Variants in OPA1 observed in about 807,000 individuals in gnomAD.
The protein encoded by OPA1 is dynamin-like GTPase OPA1, mitochondrial.
Under a neutral mutation model 152.9 loss-of-function variants are expected in OPA1, and 59 were observed. That is an observed-to-expected ratio of 0.39 (90% confidence interval 0.31 to 0.48). The LOEUF is 0.48. Among genes scored for constraint, OPA1 ranks in the 20% least tolerant of loss-of-function variants. The pLI, the probability that OPA1 is intolerant of heterozygous loss-of-function variation, is 0.96. For missense variants in OPA1, 1,008 were observed against 1,216.8 expected, an observed-to-expected ratio of 0.83 and a Z score of 2.55; for synonymous variants, 400 against 389.9, an observed-to-expected ratio of 1.03 and a Z score of -0.31.
At chr3:193,643,104 T>A in intron 13 of OPA1, 55 bp downstream of exon 13, 1 of 1,406,812 alleles carries the variant, frequency 7.1e-7, no homozygotes, top group Non-Finnish European at 1.0e-6. Context: ...TGTTTATGAT[T>A]TCAAATAAAT....
chr3:193,613,114 A>C (rs1728506719), intron 1 of OPA1, among the ~76,000 whole-genome samples: 1 of 152,240 alleles, frequency 6.6e-6, no homozygotes, highest in South Asian at 2.1e-4. Flanking sequence ...TAAGCAAGGA[A>C]AATAAACACT....
chr3:193,673,618 G>A (rs1718390996), intron 29 of OPA1, among the ~76,000 whole-genome samples: 1 of 152,150 alleles, frequency 6.6e-6, no homozygotes, highest in Admixed American at 6.5e-5. Flanking sequence ...AAAATCTGTG[G>A]AATCTTTAAT....
At chr3:193,624,640 T>C (rs139758539) in intron 6 of OPA1, among the ~76,000 whole-genome samples, 1 of 152,254 alleles carries the variant, frequency 6.6e-6, no homozygotes, top group African/African-American at 2.4e-5. Flanking sequence ...TAAAGACATG[T>C]CTTTTTATAA....
intron 11 of OPA1, among the ~76,000 whole-genome samples, chr3:193,639,883 G>C (rs1237024009): frequency 3.9e-5 from 6 of 152,186 alleles, no homozygotes. Context: ...GAATTAACAG[G>C]ATTTCTTGAC....
At chr3:193,593,785 A>G (rs889808706) in intron 1 of OPA1, among the ~76,000 whole-genome samples, 2 of 146,430 alleles carry the variant, frequency 1.4e-5, no homozygotes, top group South Asian at 4.4e-4. Context: ...TCTGTCCATG[A>G]GTCACCTCTC....
chr3:193,689,196 T>C (rs1721351226), intron 29 of OPA1: 1 of 152,224 alleles, frequency 6.6e-6, no homozygotes, highest in South Asian at 2.1e-4. Flanking sequence ...TGTCCTCATA[T>C]CACTTTATGA....
Position 193,659,553 on chromosome 3 carries a change from C to T in OPA1, c.2512C>T (p.Gln838Ter). Residue 838 changes from glutamine (Q) to a stop codon, truncating the protein, a stop_gained, in exon 25 of 31, where the codon CAA becomes TAA. Transcript: ENST00000361510. LOFTEE classifies it high-confidence loss of function. ...GTGGTTATACTGGAAGAATCGGACC[C>T]AAGAACAGGTAGAAATAAACAAGTC... ...KRWLYWKNRTQEQCVHNETKN... is the reference protein window; with the variant it reads ...KRWLYWKNRT 6.2e-7 allele frequency: 1 copy of T among 1,610,132 alleles called. No individual in the cohort carries two copies. The highest frequency in any genetic ancestry group is 8.5e-7 in the Non-Finnish European group (1 of 1,177,540).
At chr3:193,663,862 T>C (rs1715893062) in intron 26 of OPA1, among the ~76,000 whole-genome samples, 1 of 152,102 alleles carries the variant, frequency 6.6e-6, no homozygotes, top group Non-Finnish European at 1.5e-5. Flanking sequence ...AGATGAAAGC[T>C]AATGATTACA....
chr3:193,635,441 A>G lies in OPA1; in HGVS notation c.867A>G (p.Glu289=). ...AGTTGAAGTATCAGAGAATCTTGGA[A>G]CGATTAGAAAAGGAGAACAAAGAAT... ...HTQLKYQRIL[E]RLEKENKELR... Residue 289 remains glutamate, a synonymous_variant, in exon 9 of 31, where the codon GAA becomes GAG. Transcript: ENST00000361510. 6.2e-7 allele frequency: 1 copy of G among 1,604,228 alleles called. No homozygotes were observed. The highest frequency in any genetic ancestry group is 8.5e-7 in the Non-Finnish European group (1 of 1,171,316).
At chr3:193,615,542 AT>A (rs1402689867) in intron 2 of OPA1, 131 bp from the exon 3 acceptor site, 5 of 694,858 alleles carry the variant, frequency 7.2e-6, no homozygotes, top group African/African-American at 1.8e-5. Flanking sequence ...AGACCACTTA[AT>A]TTTGTTTCTT....
chr3:193,624,635 A>T (rs1027272935), intron 6 of OPA1, among the ~76,000 whole-genome samples: 1 of 152,146 alleles, frequency 6.6e-6, no homozygotes, highest in African/African-American at 2.4e-5. Context: ...TTATTTAAAG[A>T]CATGTCTTTT....
intron 6 of OPA1, among the ~76,000 whole-genome samples, chr3:193,625,159 TA>T (rs1402997722): frequency 6.6e-6 from 1 of 152,144 alleles, no homozygotes; most frequent in African/African-American, 2.4e-5. Flanking sequence ...TTAATAAAGC[TA>T]TGCAGGAAAT....
chr3:193,614,808 A>G lies in OPA1; in HGVS notation c.118A>G (p.Ile40Val), dbSNP rs1728765767. The G allele has an allele frequency of 6.2e-7, 1 of 1,606,604 alleles. No individual in the cohort carries two copies. The highest frequency in any genetic ancestry group is 8.5e-7 in the Non-Finnish European group (1 of 1,173,398). ...LQKLHLVSRSIYHSHHPTLKL... is the reference protein window; with the variant it reads ...LQKLHLVSRSVYHSHHPTLKL... ...AAAACTACATCTGGTTTCACGAAGCATTTATCATTCACATCATCCTACCTT... is the reference window on the plus strand; with the variant it reads ...AAAACTACATCTGGTTTCACGAAGCGTTTATCATTCACATCATCCTACCTT... Residue 40 changes from isoleucine (I) to valine (V), a missense_variant, in exon 2 of 31, where the codon ATT becomes GTT. Ile to Val is a conservative substitution (Grantham distance 29, BLOSUM62 3). Coordinates refer to ENST00000361510, the MANE Select transcript of OPA1 (RefSeq NM_130837.3).
In OPA1 at chr3:193,664,906, T is replaced by C; in HGVS notation, c.2688T>C (p.Tyr896=). The change falls in exon 27 of 31, where the codon TAT becomes TAC. Residue 896 remains tyrosine, a synonymous_variant. Transcript: ENST00000361510. The part of the protein sequence containing the change: ...SLIKDTWHQV[Y]RRHFLKTALN... The stretch of plus-strand genomic sequence containing the variant: ...TTAAGGATACTTGGCATCAAGTTTA[T>C]AGAAGACATTTTTTAAAAACAGCTC... 2.5e-6 allele frequency: 4 copies of C among 1,599,242 alleles called. No individual in the cohort carries two copies. Among genetic ancestry groups the C allele is most frequent in the Non-Finnish European group, 3.4e-6 (4 of 1,167,018 alleles).
chr3:193,672,051 A>G (rs1372231501), intron 29 of OPA1, among the ~76,000 whole-genome samples: 1 of 152,212 alleles, frequency 6.6e-6, no homozygotes. Flanking sequence ...TTTTAAATAG[A>G]TATTTTAAGT....
At chr3:193,596,336 C>CTTAA (rs1318478792) in intron 1 of OPA1, among the ~76,000 whole-genome samples, 14 of 137,922 alleles carry the variant, frequency 1.0e-4, no homozygotes, top group African/African-American at 3.6e-4. Flanking sequence ...CTTTCCTTTC[C>CTTAA]TTTTCTTTTC....
chr3:193,673,614 T>G (rs566692592), intron 29 of OPA1, among the ~76,000 whole-genome samples: 1 of 152,358 alleles, frequency 6.6e-6, no homozygotes, highest in South Asian at 2.1e-4. Context: ...TAATAAAATC[T>G]GTGGAATCTT....
intron 1 of OPA1, among the ~76,000 whole-genome samples, chr3:193,598,967 A>G (rs1456808606): frequency 2.0e-5 from 3 of 152,174 alleles, no homozygotes; most frequent in Admixed American, 2.0e-4. Context: ...TCTGTAAGTG[A>G]TAACATGGGT....
intron 29 of OPA1, among the ~76,000 whole-genome samples, chr3:193,685,745 T>C (rs1476391943): frequency 6.6e-6 from 1 of 152,094 alleles, no homozygotes; most frequent in Admixed American, 6.5e-5. Context: ...TAATATCCAA[T>C]AAATAAAAAG....
Sources: gnomAD v4.1 joint callset for allele counts (sites outside exome capture counted in the v4.1 genomes callset) on GRCh38, gnomAD v4.1.1 for gene constraint, MANE v1.5 for transcripts, NCBI Gene and HGNC (gene_info 2026-07-23, HGNC 2026-07-21) for gene names.